The following PDZRN4 variants were observed in gnomAD, a reference collection of about 807,000 sequenced individuals.
PDZRN4 encodes the protein PDZ domain-containing RING finger protein 4.
In PDZRN4, 70 loss-of-function variants were observed where a neutral mutation model predicts 99.0. That is an observed-to-expected ratio of 0.71 (90% confidence interval 0.58 to 0.86). The LOEUF (loss-of-function observed/expected upper bound fraction) is 0.86. PDZRN4 is among the 40% of genes least tolerant of loss of function. The pLI, the probability that PDZRN4 is intolerant of heterozygous loss-of-function variation, is 0.00. For missense variants in PDZRN4, 1,474 were observed against 1,331.2 expected, an observed-to-expected ratio of 1.11 and a Z score of -1.67; for synonymous variants, 551 against 501.6, an observed-to-expected ratio of 1.10 and a Z score of -1.32.
intron 5 of PDZRN4, among the ~76,000 whole-genome samples, chr12:41,535,990 T>C (rs1325288643): frequency 6.6e-6 from 1 of 152,194 alleles, no homozygotes; most frequent in Non-Finnish European, 1.5e-5. Context: ...GTGTTTCTTG[T>C]TCACTAAGAG....
chr12:41,281,935 C>A (rs932408232), intron 3 of PDZRN4, among the ~76,000 whole-genome samples: 1 of 152,150 alleles, frequency 6.6e-6, no homozygotes, highest in Non-Finnish European at 1.5e-5. Context: ...AATGTAAAGA[C>A]CATTGACAGT....
Position 41,189,013 on chromosome 12 carries a change from G to T in PDZRN4, c.558G>T (p.Gln186His), listed in dbSNP as rs1480902517. ...TCTGGGCGCTGCAGGGCGAGGTGCAGCTCACGGCGCGCAGGTACCAGGAGA... is the reference window on the plus strand; with the variant it reads ...TCTGGGCGCTGCAGGGCGAGGTGCATCTCACGGCGCGCAGGTACCAGGAGA... ...AQLWALQGEVQLTARRYQEKF... is the reference protein window; with the variant it reads ...AQLWALQGEVHLTARRYQEKF... Residue 186 changes from glutamine to histidine, a missense_variant, in exon 1 of 10, where the codon CAG becomes CAT. Gln to His is a conservative substitution (Grantham distance 24, BLOSUM62 0). Transcript: ENST00000402685. 3.2e-6 allele frequency: 5 copies of T among 1,555,536 alleles called. No homozygotes were observed. The highest frequency in any genetic ancestry group is 4.3e-6 in the Non-Finnish European group (5 of 1,158,778).
intron 3 of PDZRN4, among the ~76,000 whole-genome samples, chr12:41,328,529 A>C (rs1442355916): frequency 2.6e-5 from 4 of 152,126 alleles, no homozygotes; most frequent in African/African-American, 9.7e-5. Context: ...TAAAACAAAT[A>C]GAATATATAT....
intron 3 of PDZRN4, among the ~76,000 whole-genome samples, chr12:41,216,030 A>G (rs946221743): frequency 2.0e-5 from 3 of 151,888 alleles, no homozygotes; most frequent in Non-Finnish European, 2.9e-5. Context: ...GGTCCTGTCA[A>G]ACTCATTCTA....
At chr12:41,485,269 C>T (rs892083758) in intron 3 of PDZRN4, among the ~76,000 whole-genome samples, 5 of 152,118 alleles carry the variant, frequency 3.3e-5, no homozygotes, top group Non-Finnish European at 7.4e-5. Context: ...GAAGGCTATC[C>T]CTGGGCAGGC....
chr12:41,267,865 A>G (rs1482454385), intron 3 of PDZRN4, among the ~76,000 whole-genome samples: 1 of 151,838 alleles, frequency 6.6e-6, no homozygotes, highest in African/African-American at 2.4e-5. Flanking sequence ...AACAAACAAA[A>G]AGGAAGAAGA....
chr12:41,203,207 A>C (rs80269773), intron 3 of PDZRN4, among the ~76,000 whole-genome samples: 1 of 152,048 alleles, frequency 6.6e-6, no homozygotes, highest in Admixed American at 6.6e-5. Context: ...AGATAGTTGT[A>C]TATTAATTAA....
At chr12:41,214,104 A>G (rs984443038) in intron 3 of PDZRN4, among the ~76,000 whole-genome samples, 7 of 151,936 alleles carry the variant, frequency 4.6e-5, no homozygotes, top group African/African-American at 1.7e-4. Context: ...TTCTTGACCT[A>G]ACTAGCTTAT....
chr12:41,237,354 G>T (rs1307479494), intron 3 of PDZRN4, among the ~76,000 whole-genome samples: 1 of 151,962 alleles, frequency 6.6e-6, no homozygotes, highest in Non-Finnish European at 1.5e-5. Flanking sequence ...CTAAATATGG[G>T]CACGTTTGTA....
intron 3 of PDZRN4, among the ~76,000 whole-genome samples, chr12:41,316,920 C>A (rs562291952): frequency 1.2e-4 from 18 of 151,574 alleles, no homozygotes; most frequent in Non-Finnish European, 2.4e-4. Context: ...AGGGCTAAGG[C>A]AGGTACAGCA....
chr12:41,196,705 TTC>T (rs1160231949), intron 3 of PDZRN4, among the ~76,000 whole-genome samples: 2 of 152,104 alleles, frequency 1.3e-5, no homozygotes, highest in African/African-American at 2.4e-5. Context: ...TTATTTTAGT[TTC>T]TCTGTCATTA....
chr12:41,242,479 A>G (rs755642239), intron 3 of PDZRN4, among the ~76,000 whole-genome samples: 56 of 152,338 alleles, frequency 3.7e-4, no homozygotes, highest in Non-Finnish European at 6.2e-4. Flanking sequence ...TGGTTACACA[A>G]CTATCCACAC....
chr12:41,383,725 A>G (rs777853268), intron 3 of PDZRN4, among the ~76,000 whole-genome samples: 14 of 152,208 alleles, frequency 9.2e-5, no homozygotes, highest in Admixed American at 1.3e-4. Context: ...AATTTTGTCA[A>G]AACATAATGA....
At chr12:41,222,853 A>G (rs754758339) in intron 3 of PDZRN4, among the ~76,000 whole-genome samples, 3 of 152,094 alleles carry the variant, frequency 2.0e-5, no homozygotes, top group African/African-American at 4.8e-5. Context: ...GCTCTATAGA[A>G]CTACTATAAG....
intron 3 of PDZRN4, among the ~76,000 whole-genome samples, chr12:41,376,112 G>C (rs1490268832): frequency 6.6e-6 from 1 of 152,022 alleles, no homozygotes; most frequent in Admixed American, 6.6e-5. Context: ...AATACAATTT[G>C]TGTGTATGTA....
chr12:41,354,221 T>A (rs981513859), intron 3 of PDZRN4, among the ~76,000 whole-genome samples: 2 of 152,060 alleles, frequency 1.3e-5, no homozygotes, highest in African/African-American at 4.8e-5. Context: ...GTCAGGTAAT[T>A]TTCTAAGCAA....
intron 3 of PDZRN4, among the ~76,000 whole-genome samples, chr12:41,276,796 G>A (rs866240094): frequency 1.3e-5 from 2 of 152,116 alleles, no homozygotes; most frequent in Non-Finnish European, 2.9e-5. Flanking sequence ...AAAGTGCCAG[G>A]CAGGAATGTT....
chr12:41,226,972 G>C (rs766567569), intron 3 of PDZRN4, among the ~76,000 whole-genome samples: 5 of 152,100 alleles, frequency 3.3e-5, no homozygotes, highest in Non-Finnish European at 5.9e-5. Context: ...TTGCCTGTTT[G>C]TATCATGCAG....
At chr12:41,317,093 TAGAG>T (rs1951644283) in intron 3 of PDZRN4, among the ~76,000 whole-genome samples, 1 of 140,828 alleles carries the variant, frequency 7.1e-6, no homozygotes, top group Admixed American at 7.2e-5. Context: ...GTATATTACA[TAGAG>T]AATTATCTAT....
Sources: allele counts gnomAD v4.1 joint callset (sites outside exome capture counted in the v4.1 genomes callset), GRCh38; gene constraint gnomAD v4.1.1; transcripts MANE v1.5; gene names NCBI Gene and HGNC (gene_info 2026-07-23, HGNC 2026-07-21).